Variants in WDR93 observed in about 807,000 individuals in gnomAD.
The protein encoded by WDR93 is WD repeat domain 93, also known as WD repeat-containing protein 93.
WDR93 carries 73 observed loss-of-function variants against 82.9 expected under a neutral mutation model. That is an observed-to-expected ratio of 0.88 (90% CI 0.73 to 1.07). WDR93 has a LOEUF of 1.07. Ranked by LOEUF, WDR93 falls within the 50% of genes least tolerant of loss-of-function variation. The pLI, the probability that WDR93 is intolerant of heterozygous loss-of-function variation, is 0.00. For synonymous variants in WDR93, 283 were observed against 300.1 expected, an observed-to-expected ratio of 0.94 and a Z score of 0.59; for missense variants, 738 against 826.0, an observed-to-expected ratio of 0.89 and a Z score of 1.31.
chr15:89,710,141 C>A (rs574179815), intron 4 of WDR93, among the ~76,000 whole-genome samples: 24 of 152,292 alleles, frequency 1.6e-4, no homozygotes, highest in African/African-American at 4.6e-4. Flanking sequence ...GCTTGGACGA[C>A]AGAGTGAGAC....
chr15:89,727,480 C>T (rs1488485453), intron 9 of WDR93, 152 bp downstream of exon 9: 7 of 882,810 alleles, frequency 7.9e-6, no homozygotes, highest in Non-Finnish European at 1.2e-5. Context: ...AATCCCTACA[C>T]TTTGGGAGGC....
chr15:89,712,044 A>G lies in WDR93; in HGVS notation c.580A>G (p.Thr194Ala), dbSNP rs775442139. The change falls in exon 5 of 17, where the codon ACT (threonine) becomes GCT (alanine). Residue 194 changes from threonine to alanine, a missense_variant. Thr to Ala is a moderately conservative substitution (Grantham distance 58). Coordinates refer to ENST00000268130, the MANE Select transcript of WDR93 (RefSeq NM_020212.2). ...INEVDDTSKQ[T>A]TCIKMEISQG... is the part of the protein sequence containing the mutation. The stretch of plus-strand genomic sequence containing the variant: ...TTTTCAGGATGATACCAGCAAGCAA[A>G]CTACCTGTATAAAGATGGAGATCTC... 3 of 1,613,254 alleles carry G rather than the reference A, an allele frequency of 1.9e-6. No homozygotes were observed. The East Asian group carries it at 6.7e-5, about 36-fold the overall frequency.
chr15:89,736,081 C>T (rs1967145075), intron 14 of WDR93, among the ~76,000 whole-genome samples: 1 of 152,174 alleles, frequency 6.6e-6, no homozygotes. Context: ...CAGAAGGATA[C>T]AGATGTGTCC....
At chr15:89,736,942 C>T (rs1967235027) in intron 14 of WDR93, among the ~76,000 whole-genome samples, 1 of 152,132 alleles carries the variant, frequency 6.6e-6, no homozygotes, top group Non-Finnish European at 1.5e-5. Context: ...CAGGTGCCCG[C>T]TAGCACGCCA....
At chr15:89,731,068 G>A (rs1966854694) in intron 11 of WDR93, among the ~76,000 whole-genome samples, 1 of 152,022 alleles carries the variant, frequency 6.6e-6, no homozygotes, top group African/African-American at 2.4e-5. Flanking sequence ...CTTCTATACT[G>A]ACTGTATGGC....
Position 89,727,225 on chromosome 15 carries a change from C to A in WDR93, c.949C>A (p.Gln317Lys). The A allele has an allele frequency of 3.1e-6, 5 of 1,614,148 alleles. No individual in the cohort carries two copies. Among genetic ancestry groups the A allele is most frequent in the Non-Finnish European group, 4.2e-6 (5 of 1,180,034 alleles). ...GGACTGCTACGGACTGGGCTCCGGG[C>A]AGAATCATTTCATCAAGGACAGTCA... ...IKDCYGLGSG[Q>K]NHFIKDSQWE... Residue 317 changes from glutamine (Q) to lysine (K), a missense_variant, in exon 9 of 17, where the codon CAG becomes AAG. Physicochemically the swap from Gln to Lys is moderately conservative, Grantham distance 53. Transcript: ENST00000268130.
At chr15:89,695,557 T>C (rs546234966) in intron 1 of WDR93, among the ~76,000 whole-genome samples, 2 of 152,342 alleles carry the variant, frequency 1.3e-5, no homozygotes, top group African/African-American at 4.8e-5. Context: ...TTCATGTTTT[T>C]GATACTGTTG....
chr15:89,742,512 T>C (rs1390743779), intron 16 of WDR93, among the ~76,000 whole-genome samples: 16 of 152,098 alleles, frequency 1.1e-4, no homozygotes, highest in Non-Finnish European at 1.5e-4. Flanking sequence ...CATGCACTTA[T>C]TATTTTTTTT....
intron 7 of WDR93, among the ~76,000 whole-genome samples, chr15:89,718,906 C>T (rs1010345452): frequency 1.3e-5 from 2 of 152,178 alleles, no homozygotes; most frequent in South Asian, 2.1e-4. Flanking sequence ...TGAGCCACCG[C>T]GCCCAGCCCC....
chr15:89,690,717 C>A, upstream of WDR93: 5 of 954,704 alleles, frequency 5.2e-6, no homozygotes, highest in Non-Finnish European at 8.0e-6. Flanking sequence ...AACGGTCAGT[C>A]CCAGGTTATC....
chr15:89,695,292 CTTCT>C (rs1363306587), intron 1 of WDR93, among the ~76,000 whole-genome samples: 1 of 152,108 alleles, frequency 6.6e-6, no homozygotes, highest in Non-Finnish European at 1.5e-5. Context: ...TTATTTAGGT[CTTCT>C]TTAATTTCTG....
At chr15:89,705,532 C>A in intron 3 of WDR93, 22 bp from the exon 4 acceptor site, 20 of 1,368,268 alleles carry the variant, frequency 1.5e-5, no homozygotes, top group Non-Finnish European at 1.9e-5. Flanking sequence ...TCTTAACATT[C>A]TCACTTATTT....
At chr15:89,740,999 G>C (rs1967626957) in intron 16 of WDR93, among the ~76,000 whole-genome samples, 1 of 151,966 alleles carries the variant, frequency 6.6e-6, no homozygotes, top group African/African-American at 2.4e-5. Context: ...AATTAACCGG[G>C]CACGGTGGCA....
intron 15 of WDR93, 94 bp downstream of exon 15, chr15:89,737,823 CTG>C: frequency 1.3e-6 from 2 of 1,537,608 alleles, no homozygotes; most frequent in Non-Finnish European, 1.8e-6. Context: ...CCTCCCCACT[CTG>C]TGTCCCCCTC....
At chr15:89,733,516 A>T (rs1186868906) in intron 13 of WDR93, among the ~76,000 whole-genome samples, 1 of 152,194 alleles carries the variant, frequency 6.6e-6, no homozygotes, top group Non-Finnish European at 1.5e-5. Flanking sequence ...AGATGATTGG[A>T]TCATGAAGGC....
At chr15:89,697,307 A>G (rs905052467) in intron 1 of WDR93, among the ~76,000 whole-genome samples, 4 of 152,104 alleles carry the variant, frequency 2.6e-5, no homozygotes, top group African/African-American at 9.7e-5. Context: ...AATATTTTAA[A>G]CATATATTTA....
Position 89,712,034 on chromosome 15 carries a change from C to A in WDR93, c.570C>A (p.Thr190=). 1 of 1,612,794 alleles carries A rather than the reference C, an allele frequency of 6.2e-7. No individual in the cohort carries two copies. Among genetic ancestry groups the A allele is most frequent in the South Asian group, 1.1e-5 (1 of 90,816 alleles). The change falls in exon 5 of 17, where the codon ACC becomes ACA. Residue 190 remains threonine, a synonymous_variant. Coordinates refer to ENST00000268130, the MANE Select transcript of WDR93 (RefSeq NM_020212.2). ...LVKAINEVDD[T]SKQTTCIKME... ...ATCTCTTTTGTTTTCAGGATGATAC[C>A]AGCAAGCAAACTACCTGTATAAAGA...
At chr15:89,721,306 C>T (rs1966515057) in intron 7 of WDR93, 2 of 152,134 alleles carry the variant, frequency 1.3e-5, no homozygotes, top group African/African-American at 4.8e-5. Flanking sequence ...CCTGTAATCC[C>T]ATTACTTTGG....
chr15:89,728,792 C>T (rs1169708943), intron 9 of WDR93, among the ~76,000 whole-genome samples: 4 of 152,170 alleles, frequency 2.6e-5, no homozygotes, highest in African/African-American at 4.8e-5. Flanking sequence ...CTCTGCACAC[C>T]ACACTGGCCT....
Sources: allele counts gnomAD v4.1 joint callset (sites outside exome capture counted in the v4.1 genomes callset), GRCh38; gene constraint gnomAD v4.1.1; transcripts MANE v1.5; gene names NCBI Gene and HGNC (gene_info 2026-07-23, HGNC 2026-07-21).